Variants in RBPMS observed in about 807,000 individuals in gnomAD.
RBPMS encodes RNA binding protein, mRNA processing factor.
Under a neutral mutation model 26.8 loss-of-function variants are expected in RBPMS, and 7 were observed. That is an observed-to-expected ratio of 0.26 (90% CI 0.15 to 0.49). The LOEUF is 0.49. Among genes scored for constraint, RBPMS ranks in the 20% least tolerant of loss-of-function variants. The pLI is 0.98. For missense variants in RBPMS, 186 were observed against 250.0 expected (o/e 0.74, Z 1.73); for synonymous variants, 96 against 93.3 (o/e 1.03, Z -0.17).
chr8:30,491,971 A>G (rs1366949830), intron 4 of RBPMS, among the ~76,000 whole-genome samples: 1 of 152,164 alleles, frequency 6.6e-6, no homozygotes, highest in Non-Finnish European at 1.5e-5. Context: ...GCTCACTGCA[A>G]TCTCCGGCCT....
At chr8:30,488,038 G>A (rs901541729) in intron 4 of RBPMS, among the ~76,000 whole-genome samples, 10 of 151,926 alleles carry the variant, frequency 6.6e-5, no homozygotes, top group African/African-American at 2.2e-4. Flanking sequence ...AAAGCAGTTG[G>A]GTAGAAAATT....
chr8:30,444,103 C>T (rs1279942633), intron 1 of RBPMS, among the ~76,000 whole-genome samples: 2 of 151,302 alleles, frequency 1.3e-5, no homozygotes, highest in Non-Finnish European at 2.9e-5. Flanking sequence ...ACCATATTGG[C>T]CAAGCTGGTA....
chr8:30,570,353 G>T (rs1358184869), intron 8 of RBPMS, among the ~76,000 whole-genome samples: 1 of 152,154 alleles, frequency 6.6e-6, no homozygotes, highest in Non-Finnish European at 1.5e-5. Context: ...TGGTAAGATG[G>T]CAGGAAAAGG....
chr8:30,505,184 TCTC>T (rs1279319831), intron 5 of RBPMS, among the ~76,000 whole-genome samples: 9 of 152,172 alleles, frequency 5.9e-5, no homozygotes, highest in African/African-American at 2.2e-4. Flanking sequence ...GGCCTTAACT[TCTC>T]CTTTCATTGC....
chr8:30,452,819 T>G (rs13275869), intron 1 of RBPMS, among the ~76,000 whole-genome samples: 1 of 151,974 alleles, frequency 6.6e-6, no homozygotes, highest in Admixed American at 6.5e-5. Context: ...ATGTGAGATA[T>G]GCTATTTGTC....
At chr8:30,544,828 A>G (rs556807784) in intron 6 of RBPMS, 1 of 1,537,818 alleles carries the variant, frequency 6.5e-7, no homozygotes, top group African/African-American at 1.4e-5. Context: ...CCACTGCCTG[A>G]TGTTTGCCCC....
intron 1 of RBPMS, among the ~76,000 whole-genome samples, chr8:30,451,368 C>G (rs754881574): frequency 3.3e-5 from 5 of 152,152 alleles, no homozygotes; most frequent in Non-Finnish European, 7.4e-5. Flanking sequence ...GACATAGTGT[C>G]TGTACTCATG....
At chr8:30,555,349 T>C (rs1006119123) in intron 6 of RBPMS, among the ~76,000 whole-genome samples, 2 of 152,210 alleles carry the variant, frequency 1.3e-5, no homozygotes, top group Non-Finnish European at 2.9e-5. Flanking sequence ...CTTACCACTA[T>C]TGTTAAGTTC....
At chr8:30,431,596 G>T (rs1278513726) in intron 1 of RBPMS, among the ~76,000 whole-genome samples, 1 of 151,694 alleles carries the variant, frequency 6.6e-6, no homozygotes, top group East Asian at 2.0e-4. Flanking sequence ...GGCTACAGGC[G>T]TGCACCACCA....
chr8:30,549,856 CT>C (rs1184154625), intron 6 of RBPMS, among the ~76,000 whole-genome samples: 4 of 94,408 alleles, frequency 4.2e-5, no homozygotes, highest in East Asian at 3.1e-4. Context: ...TTTCTTTCTT[CT>C]TTTTTTTTTC....
At chr8:30,461,254 C>T (rs1815859307) in intron 1 of RBPMS, among the ~76,000 whole-genome samples, 1 of 151,988 alleles carries the variant, frequency 6.6e-6, no homozygotes, top group Admixed American at 6.5e-5. Context: ...TAAATAGGCC[C>T]CTTATAAAAA....
chr8:30,451,546 A>C (rs1397787359), intron 1 of RBPMS, among the ~76,000 whole-genome samples: 1 of 152,284 alleles, frequency 6.6e-6, no homozygotes, highest in African/African-American at 2.4e-5. Flanking sequence ...CCTGCACCCC[A>C]AACAGTTTTC....
At chr8:30,517,852 A>C (rs1822516711) in intron 5 of RBPMS, among the ~76,000 whole-genome samples, 1 of 152,214 alleles carries the variant, frequency 6.6e-6, no homozygotes, top group Non-Finnish European at 1.5e-5. Flanking sequence ...TTAAGTAGAA[A>C]TTGTGGAAAC....
chr8:30,563,630 G>A (rs1002135107), intron 7 of RBPMS, among the ~76,000 whole-genome samples: 8 of 152,176 alleles, frequency 5.3e-5, no homozygotes, highest in African/African-American at 1.2e-4. Context: ...AAGAGAGAAC[G>A]TGACGGAATT....
chr8:30,410,327 G>C (rs913081514), intron 1 of RBPMS, among the ~76,000 whole-genome samples: 1 of 152,104 alleles, frequency 6.6e-6, no homozygotes, highest in African/African-American at 2.4e-5. Context: ...TCCTGCCTCA[G>C]CCTCCCAAGT....
chr8:30,571,907 T>G lies in RBPMS; in HGVS notation c.*1382T>G, dbSNP rs1198235027. On this transcript the variant is annotated 3_prime_UTR_variant, in exon 9 of 9. Coordinates refer to ENST00000397323, the MANE Select transcript of RBPMS (RefSeq NM_001008710.3). The stretch of plus-strand genomic sequence containing the variant: ...GATCCGCTCGGCTTATGTTGAAAAT[T>G]TCAATGTCATGATTACCTGGTTGGT... 1 of 152,234 alleles carries G rather than the reference T, an allele frequency of 6.6e-6. No homozygotes were observed. Among genetic ancestry groups the G allele is most frequent in the East Asian group, 1.9e-4 (1 of 5,198 alleles). 9.4% of individuals were successfully genotyped at this position (152,234 alleles called of 1,614,324 possible).
At chr8:30,446,883 G>A (rs1180767594) in intron 1 of RBPMS, 2 of 148,682 alleles carry the variant, frequency 1.3e-5, no homozygotes, top group African/African-American at 5.0e-5. Context: ...GGGTAGAGAT[G>A]GAACTTCAGT....
At chr8:30,465,936 A>T (rs541878603) in intron 1 of RBPMS, among the ~76,000 whole-genome samples, 4 of 152,294 alleles carry the variant, frequency 2.6e-5, no homozygotes, top group Admixed American at 2.0e-4. Flanking sequence ...TATTCTCTGA[A>T]CATGTCTGAG....
chr8:30,418,268 G>A (rs1325785851), intron 1 of RBPMS, among the ~76,000 whole-genome samples: 1 of 152,070 alleles, frequency 6.6e-6, no homozygotes, highest in South Asian at 2.1e-4. Flanking sequence ...TTTTTTAAGA[G>A]AGGGGATCTT....
Sources: allele counts gnomAD v4.1 joint callset (sites outside exome capture counted in the v4.1 genomes callset), GRCh38; gene constraint gnomAD v4.1.1; transcripts MANE v1.5; gene names NCBI Gene and HGNC (gene_info 2026-07-23, HGNC 2026-07-21).